The following PTPRM variants were observed in gnomAD, a reference collection of about 807,000 sequenced individuals.
PTPRM encodes protein tyrosine phosphatase receptor type M.
PTPRM carries 47 observed loss-of-function variants against 186.7 expected under a neutral mutation model. That is an observed-to-expected ratio of 0.25 (90% confidence interval 0.20 to 0.32). The LOEUF is 0.32. Ranked by LOEUF, PTPRM falls within the 10% of genes least tolerant of loss-of-function variation. The pLI is 1.00. For synonymous variants in PTPRM, 668 were observed against 674.9 expected (o/e 0.99, Z 0.16); for missense variants, 1,494 against 1,865.0 (o/e 0.80, Z 3.66).
Position 8,085,786 on chromosome 18 carries a change from G to A in PTPRM, c.1667G>A (p.Gly556Glu), listed in dbSNP as rs1323087427. 1 of 1,613,364 alleles carries A rather than the reference G, an allele frequency of 6.2e-7. No individual in the cohort carries two copies. Among genetic ancestry groups the A allele is most frequent in the African/African-American group, 1.3e-5 (1 of 74,850 alleles). ...TTTCTGTTTTTTGGACTGTATCCGG[G>A]GACCACATACTCCTTTACCATCCGA... ...THFLFFGLYP[G>E]TTYSFTIRAS... The change falls in exon 10 of 33, where the codon GGG (glycine) becomes GAG (glutamate). Residue 556 changes from glycine to glutamate, a missense_variant. Coordinates refer to ENST00000580170, the MANE Select transcript of PTPRM (RefSeq NM_001105244.2).
intron 14 of PTPRM, among the ~76,000 whole-genome samples, chr18:8,208,929 G>C (rs1216316563): frequency 1.3e-5 from 2 of 152,204 alleles, no homozygotes; most frequent in Non-Finnish European, 2.9e-5. Context: ...GCATAAGCAT[G>C]CGTGCTCTGG....
chr18:7,964,795 C>T (rs577552743), intron 7 of PTPRM, among the ~76,000 whole-genome samples: 11 of 152,158 alleles, frequency 7.2e-5, no homozygotes, highest in Non-Finnish European at 1.0e-4. Flanking sequence ...CACATGTTCA[C>T]TGGAACCTGG....
At chr18:7,786,599 T>G (rs1364073939) in intron 2 of PTPRM, among the ~76,000 whole-genome samples, 1 of 152,246 alleles carries the variant, frequency 6.6e-6, no homozygotes, top group African/African-American at 2.4e-5. Context: ...AGGTTTCTGG[T>G]AGTCATCTTG....
intron 1 of PTPRM, among the ~76,000 whole-genome samples, chr18:7,588,191 T>G (rs900994544): frequency 2.6e-5 from 4 of 152,178 alleles, no homozygotes; most frequent in African/African-American, 9.6e-5. Flanking sequence ...CTGTTTATAC[T>G]GAACTCCGGC....
At chr18:7,872,532 T>G (rs181115824) in intron 2 of PTPRM, among the ~76,000 whole-genome samples, 1 of 152,322 alleles carries the variant, frequency 6.6e-6, no homozygotes, top group East Asian at 1.9e-4. Flanking sequence ...ACTGGTTAAA[T>G]GAAAGAAAAA....
At chr18:7,640,669 G>A (rs79280742) in intron 1 of PTPRM, among the ~76,000 whole-genome samples, 207 of 152,226 alleles carry the variant, frequency 1.4e-3, no homozygotes, top group Non-Finnish European at 1.1e-3. Flanking sequence ...AAAGGGAGGA[G>A]CCAGTCTCTG....
At chr18:7,706,823 G>C (rs865965828) in intron 1 of PTPRM, among the ~76,000 whole-genome samples, 37 of 152,124 alleles carry the variant, frequency 2.4e-4, no homozygotes, top group Middle Eastern at 3.4e-3. Context: ...TGAGAATTTT[G>C]AGAGTATTAG....
intron 1 of PTPRM, among the ~76,000 whole-genome samples, chr18:7,699,857 T>A (rs1363769901): frequency 6.6e-6 from 1 of 152,210 alleles, no homozygotes; most frequent in Non-Finnish European, 1.5e-5. Context: ...CATTTACACT[T>A]GCAATCCATC....
intron 19 of PTPRM, among the ~76,000 whole-genome samples, chr18:8,260,786 C>G (rs1280658151): frequency 6.6e-6 from 1 of 152,208 alleles, no homozygotes; most frequent in Non-Finnish European, 1.5e-5. Context: ...AGGCCTTGAA[C>G]TGGGGAGGAC....
At chr18:7,600,369 G>A (rs971509985) in intron 1 of PTPRM, among the ~76,000 whole-genome samples, 2 of 152,132 alleles carry the variant, frequency 1.3e-5, no homozygotes, top group South Asian at 4.1e-4. Flanking sequence ...AGAGCTCTGC[G>A]CAGCCAGAAA....
chr18:7,799,817 G>T (rs1355742231), intron 2 of PTPRM, among the ~76,000 whole-genome samples: 1 of 152,028 alleles, frequency 6.6e-6, no homozygotes, highest in Non-Finnish European at 1.5e-5. Flanking sequence ...GTTTTCTGTA[G>T]ATTATTCTGT....
intron 14 of PTPRM, among the ~76,000 whole-genome samples, chr18:8,214,338 G>A (rs2094049782): frequency 2.6e-5 from 4 of 152,166 alleles, no homozygotes; most frequent in Admixed American, 1.3e-4. Flanking sequence ...GTCTGCTTCT[G>A]TTTGGTGTTG....
chr18:8,366,091 C>G (rs1337475173), intron 23 of PTPRM, among the ~76,000 whole-genome samples: 1 of 152,128 alleles, frequency 6.6e-6, no homozygotes, highest in African/African-American at 2.4e-5. Flanking sequence ...AGACCTCCCT[C>G]CCCCCAGCTA....
intron 14 of PTPRM, among the ~76,000 whole-genome samples, chr18:8,164,204 G>T (rs2093280728): frequency 6.6e-6 from 1 of 152,176 alleles, no homozygotes; most frequent in Non-Finnish European, 1.5e-5. Flanking sequence ...AGTTAATTTT[G>T]TGATTTGGCA....
intron 2 of PTPRM, among the ~76,000 whole-genome samples, chr18:7,852,637 A>T (rs1307715078): frequency 6.6e-6 from 1 of 152,062 alleles, no homozygotes; most frequent in Admixed American, 6.6e-5. Flanking sequence ...GTGAGCCAAG[A>T]TCGTGCCACT....
intron 22 of PTPRM, among the ~76,000 whole-genome samples, chr18:8,340,357 T>A (rs141511932): frequency 1.1e-3 from 161 of 152,312 alleles, no homozygotes; most frequent in African/African-American, 3.5e-3. Flanking sequence ...ATTTTAGCAT[T>A]GAAAAGAATT....
intron 2 of PTPRM, among the ~76,000 whole-genome samples, chr18:7,777,079 T>G (rs904400233): frequency 3.9e-5 from 6 of 152,240 alleles, no homozygotes; most frequent in Non-Finnish European, 7.3e-5. Context: ...ATGACTCTTA[T>G]GAATTTCTCA....
chr18:8,074,990 T>C (rs2089718732), intron 8 of PTPRM, among the ~76,000 whole-genome samples: 2 of 152,186 alleles, frequency 1.3e-5, no homozygotes, highest in Non-Finnish European at 2.9e-5. Context: ...AAGATTTATT[T>C]ATATGTATGT....
chr18:8,014,397 C>G (rs1045307182), intron 7 of PTPRM, among the ~76,000 whole-genome samples: 1 of 151,864 alleles, frequency 6.6e-6, no homozygotes, highest in Non-Finnish European at 1.5e-5. Context: ...TGACATTTTC[C>G]TGGATTAGTG....
Sources: gnomAD v4.1 joint callset for allele counts (sites outside exome capture counted in the v4.1 genomes callset) on GRCh38, gnomAD v4.1.1 for gene constraint, MANE v1.5 for transcripts, NCBI Gene and HGNC (gene_info 2026-07-23, HGNC 2026-07-21) for gene names.